VAMP7: variants seen among roughly 807,000 people sequenced by gnomAD.
The protein encoded by VAMP7 is vesicle associated membrane protein 7.
Under a neutral mutation model 29.6 loss-of-function variants are expected in VAMP7, and 14 were observed. The ratio of observed to expected loss-of-function variants is 0.47; its 90% CI spans 0.31 to 0.74. VAMP7 has a LOEUF of 0.74. Among genes scored for constraint, VAMP7 ranks in the 30% least tolerant of loss-of-function variants. The pLI, the probability that VAMP7 is intolerant of heterozygous loss-of-function variation, is 0.05. For synonymous variants in VAMP7, 95 were observed against 88.1 expected (o/e 1.08, Z -0.44); for missense variants, 223 against 262.4 (o/e 0.85, Z 1.04).
At chrX:155,902,594 G>C (rs1414046794) in intron 5 of VAMP7, among the ~76,000 whole-genome samples, 2 of 151,446 alleles carry the variant, frequency 1.3e-5, no homozygotes, top group African/African-American at 4.9e-5. Context: ...GTTGAATTTT[G>C]TCAAAGGCCT....
rs1017317443 is a variant in VAMP7 at position 155,926,765 on chromosome X, T to C, written c.501+6885T>C. On this transcript the variant is annotated intron_variant, in intron 6 of 7. Coordinates refer to ENST00000286448, the MANE Select transcript of VAMP7 (RefSeq NM_005638.6). ...GACATGCCTTACTCACTAAGCTTAA[T>C]TATTTTTATCTTTTGATTTAAAGCA... is the stretch of plus-strand genomic sequence containing the variant. Among the ~76,000 whole-genome samples, 90 of 152,352 alleles carry C rather than the reference T, an allele frequency of 5.9e-4. No homozygotes were observed. In the Middle Eastern group the frequency reaches 0.01, roughly 17 times the overall value.
intron 1 of VAMP7, 93 bp from the exon 2 acceptor site, chrX:155,889,365 C>A (rs899991832): frequency 1.3e-6 from 2 of 1,496,204 alleles, no homozygotes; most frequent in Non-Finnish European, 1.8e-6. Flanking sequence ...TAGATACTAT[C>A]TCCAGGTAGT....
intron 5 of VAMP7, among the ~76,000 whole-genome samples, chrX:155,904,685 T>C (rs1392252099): frequency 6.6e-6 from 1 of 152,024 alleles, no homozygotes; most frequent in Non-Finnish European, 1.5e-5. Context: ...AATCTTGTAA[T>C]ATGTGGCCTT....
chrX:155,881,648 TAA>T (rs1011811852), intron 1 of VAMP7, among the ~76,000 whole-genome samples, 200 bp downstream of exon 1: 1 of 152,068 alleles, frequency 6.6e-6, no homozygotes, highest in African/African-American at 2.4e-5. Flanking sequence ...GGCCTCGAGT[TAA>T]AGAGTGTCAG....
chrX:155,919,318 A>G (rs1200436381), intron 5 of VAMP7, among the ~76,000 whole-genome samples: 3 of 152,014 alleles, frequency 2.0e-5, no homozygotes, highest in Non-Finnish European at 2.9e-5. Context: ...TTTCTGATTC[A>G]GTCTTGGTAG....
At chrX:155,912,818 C>T (rs745455731) in intron 5 of VAMP7, among the ~76,000 whole-genome samples, 1 of 152,302 alleles carries the variant, frequency 6.6e-6, no homozygotes, top group South Asian at 2.1e-4. Flanking sequence ...CTGCAATAAA[C>T]ATACGTGTGC....
At chrX:155,940,803 A>T (rs1419185758) in intron 7 of VAMP7, among the ~76,000 whole-genome samples, 1 of 152,088 alleles carries the variant, frequency 6.6e-6, no homozygotes, top group Non-Finnish European at 1.5e-5. Flanking sequence ...ATGTGTGTGT[A>T]TGTGTGAATA....
chrX:155,894,311 T>G (rs749386773), intron 2 of VAMP7, among the ~76,000 whole-genome samples: 15 of 150,766 alleles, frequency 9.9e-5, no homozygotes, highest in South Asian at 2.1e-4. Flanking sequence ...GTTTTTTTTT[T>G]TTTTTTTTTT....
intron 5 of VAMP7, among the ~76,000 whole-genome samples, chrX:155,918,791 C>G (rs2066350744): frequency 6.6e-6 from 1 of 152,156 alleles, no homozygotes; most frequent in Non-Finnish European, 1.5e-5. Flanking sequence ...TGAATTTTAT[C>G]AAATGCTTTT....
intron 7 of VAMP7, among the ~76,000 whole-genome samples, chrX:155,940,902 G>A (rs999178923): frequency 6.6e-6 from 1 of 152,100 alleles, no homozygotes; most frequent in African/African-American, 2.4e-5. Context: ...TTCCCTACAA[G>A]GCAAAATGCT....
At chrX:155,936,510 A>G (rs1317352814) in intron 6 of VAMP7, among the ~76,000 whole-genome samples, 2 of 152,314 alleles carry the variant, frequency 1.3e-5, no homozygotes, top group African/African-American at 4.8e-5. Flanking sequence ...GGCGCGGGAT[A>G]TAATCTCCTG....
At chrX:155,904,592 T>G (rs866978150) in intron 5 of VAMP7, among the ~76,000 whole-genome samples, 32 of 152,126 alleles carry the variant, frequency 2.1e-4, no homozygotes, top group African/African-American at 7.7e-4. Context: ...TTGCAGTTGC[T>G]CCTCAACTCT....
intron 4 of VAMP7, 28 bp from the exon 5 acceptor site, chrX:155,900,469 C>T (rs1402921566): frequency 1.3e-6 from 2 of 1,532,290 alleles, no homozygotes; most frequent in Non-Finnish European, 8.9e-7. Flanking sequence ...TGTCTAGGTA[C>T]CATAAGTTAA....
At chrX:155,918,380 C>T (rs1195840105) in intron 5 of VAMP7, among the ~76,000 whole-genome samples, 3 of 152,214 alleles carry the variant, frequency 2.0e-5, no homozygotes, top group East Asian at 1.9e-4. Context: ...GCAGCTAGCT[C>T]GGTGTCTGCC....
chrX:155,942,348 C>T lies in VAMP7; in HGVS notation c.*397C>T, dbSNP rs146685624. On this transcript the variant is annotated 3_prime_UTR_variant, in exon 8 of 8. Transcript: ENST00000286448. Reference sequence around the variant, plus strand: ...AGTATTCAAGAGACAGTATTGCTAACATCTCATCTTAATGTCTTTTGTTAT... The same window carrying T: ...AGTATTCAAGAGACAGTATTGCTAATATCTCATCTTAATGTCTTTTGTTAT... 486 of 597,052 alleles carry T rather than the reference C, an allele frequency of 8.1e-4. No individual in the cohort carries two copies. The highest frequency in any genetic ancestry group is 8.0e-3 in the African/African-American group (432 of 54,180). The allele number at this position is 597,052 out of a possible 1,614,324, so 37.0% of individuals were successfully genotyped here.
chrX:155,935,126 C>T (rs1361696953), intron 6 of VAMP7, among the ~76,000 whole-genome samples: 4 of 151,916 alleles, frequency 2.6e-5, no homozygotes, highest in Admixed American at 6.6e-5. Flanking sequence ...CTCTGGCTGC[C>T]CTTAACATTT....
At chrX:155,899,495 T>G (rs2066032359) in intron 4 of VAMP7, among the ~76,000 whole-genome samples, 1 of 151,996 alleles carries the variant, frequency 6.6e-6, no homozygotes, top group Admixed American at 6.6e-5. Context: ...ATACTTTCAC[T>G]TCTCCTGTGG....
At chrX:155,889,214 G>A (rs2065899041) in intron 1 of VAMP7, among the ~76,000 whole-genome samples, 1 of 152,140 alleles carries the variant, frequency 6.6e-6, no homozygotes, top group African/African-American at 2.4e-5. Flanking sequence ...AATGGTGTGT[G>A]TGTGTGTGTA....
chrX:155,919,025 G>T (rs1369490083), intron 5 of VAMP7, among the ~76,000 whole-genome samples: 1 of 152,136 alleles, frequency 6.6e-6, no homozygotes, highest in African/African-American at 2.4e-5. Flanking sequence ...CATCAGGGTT[G>T]TTGGCCTGCA....
Sources: allele counts gnomAD v4.1 joint callset (sites outside exome capture counted in the v4.1 genomes callset), GRCh38; gene constraint gnomAD v4.1.1; transcripts MANE v1.5; gene names NCBI Gene and HGNC (gene_info 2026-07-23, HGNC 2026-07-21).